ADGRA3: variants seen among roughly 807,000 people sequenced by gnomAD.
ADGRA3 encodes adhesion G protein-coupled receptor A3, also known as G-protein coupled receptor 125.
In ADGRA3, 56 loss-of-function variants were observed where a neutral mutation model predicts 119.8. The ratio of observed to expected loss-of-function variants is 0.47; its 90% CI spans 0.38 to 0.58. The LOEUF (loss-of-function observed/expected upper bound fraction) is 0.58, where lower values mean the gene tolerates loss of function less well. Ranked by LOEUF, ADGRA3 falls within the 20% of genes least tolerant of loss-of-function variation. The pLI, the probability that ADGRA3 is intolerant of heterozygous loss-of-function variation, is 0.00. For synonymous variants in ADGRA3, 607 were observed against 623.8 expected, an observed-to-expected ratio of 0.97 and a Z score of 0.40; for missense variants, 1,516 against 1,649.0, an observed-to-expected ratio of 0.92 and a Z score of 1.40.
intron 6 of ADGRA3, among the ~76,000 whole-genome samples, chr4:22,443,802 A>G (rs1239350192): frequency 1.3e-5 from 2 of 152,218 alleles, no homozygotes; most frequent in Admixed American, 1.3e-4. Flanking sequence ...ATTTTCAGTC[A>G]TGAACATAAA....
Position 22,438,305 on chromosome 4 carries a change from C to T in ADGRA3, c.1036G>A (p.Ala346Thr), listed in dbSNP as rs749843781. The change falls in exon 8 of 19, where the codon GCA becomes ACA. Residue 346 changes from alanine (A) to threonine (T), a missense_variant. By Grantham distance (58) the Ala-to-Thr change is moderately conservative. This residue lies in a region of ADGRA3 where 428 missense variants were observed against 541.9 expected (regional missense o/e 0.79). Coordinates refer to ENST00000334304, the MANE Select transcript of ADGRA3 (RefSeq NM_145290.4). ...ACCCTCTCTGGAGGACAGTACTGTG[C>T]AGAACTCTCTAATACCACAATATCC... ...TVDIVVLESS[A>T]QYCPPERVVN... is the part of the protein sequence containing the mutation. 5 of 1,612,324 alleles carry T rather than the reference C, an allele frequency of 3.1e-6. No individual in the cohort carries two copies. Among genetic ancestry groups the T allele is most frequent in the Non-Finnish European group, 4.2e-6 (5 of 1,179,344 alleles).
At chr4:22,500,099 G>C (rs1718998521) in intron 1 of ADGRA3, among the ~76,000 whole-genome samples, 1 of 152,130 alleles carries the variant, frequency 6.6e-6, no homozygotes, top group South Asian at 2.1e-4. Context: ...TTTCATATTT[G>C]AGATGGTCGA....
At chr4:22,411,589 G>A (rs1715202716) in intron 14 of ADGRA3, among the ~76,000 whole-genome samples, 1 of 152,060 alleles carries the variant, frequency 6.6e-6, no homozygotes, top group Non-Finnish European at 1.5e-5. Context: ...ACCTGAGTGA[G>A]ACTCTGTCTC....
chr4:22,509,958 C>T (rs1012451331), intron 1 of ADGRA3, among the ~76,000 whole-genome samples: 25 of 140,534 alleles, frequency 1.8e-4, no homozygotes, highest in African/African-American at 4.0e-4. Context: ...TGCAGTGAGC[C>T]GAGATCGCGC....
rs1269749251 is a variant in ADGRA3, at chr4:22,407,136, T to C, written c.2233-4337A>G. On this transcript the variant is annotated intron_variant, in intron 14 of 18. Transcript: ENST00000334304. ...AATACAAAAAATTAGCCAGGCGTGG[T>C]GGTGGGTGCCTGTAGTCCCAGCTAC... Among the ~76,000 whole-genome samples the C allele has an allele frequency of 6.3e-4, 96 of 152,002 alleles. 1 individual carries two copies. Among genetic ancestry groups the C allele is most frequent in the Non-Finnish European group, 4.4e-5 (3 of 67,990 alleles).
At chr4:22,505,677 C>G (rs1310386614) in intron 1 of ADGRA3, among the ~76,000 whole-genome samples, 3 of 150,944 alleles carry the variant, frequency 2.0e-5, no homozygotes, top group African/African-American at 7.3e-5. Flanking sequence ...TTCTAAAATT[C>G]CACGGTTATC....
chr4:22,413,654 G>A lies in ADGRA3; in HGVS notation c.1970C>T (p.Ala657Val), dbSNP rs867880712. ...FPATGNSTNLADDGKRRTVVT... is the reference protein window; with the variant it reads ...FPATGNSTNLVDDGKRRTVVT... Reference sequence around the variant, plus strand: ...CACAGTACGTCGTTTTCCATCATCAGCCAAATTTGTTGAATTTCCAGTGGC... The same window carrying A: ...CACAGTACGTCGTTTTCCATCATCAACCAAATTTGTTGAATTTCCAGTGGC... The change falls in exon 13 of 19, where the codon GCT (alanine) becomes GTT (valine). Residue 657 changes from alanine to valine, a missense_variant. This residue lies in a region of ADGRA3 where 1,088 missense variants were observed against 1,107.1 expected (regional missense o/e 0.98). Coordinates refer to ENST00000334304, the MANE Select transcript of ADGRA3 (RefSeq NM_145290.4). The A allele has an allele frequency of 1.2e-6, 2 of 1,613,828 alleles. No individual in the cohort carries two copies. The highest frequency in any genetic ancestry group is 1.3e-5 in the African/African-American group (1 of 74,902).
chr4:22,430,812 G>GGAGGCATC (rs58448274), intron 10 of ADGRA3, among the ~76,000 whole-genome samples: 1 of 151,946 alleles, frequency 6.6e-6, no homozygotes, highest in Non-Finnish European at 1.5e-5. Context: ...TCACAGGCCT[G>GGAGGCATC]TGATGGTTTC....
chr4:22,438,292 G>T lies in ADGRA3; in HGVS notation c.1049C>A (p.Pro350His). Residue 350 changes from proline to histidine, a missense_variant, in exon 8 of 19, where the codon CCT becomes CAT. Pro to His is a moderately conservative substitution (Grantham distance 77). Transcript: ENST00000334304. ...VVLESSAQYC[P>H]PERVVNNKGD... is the part of the protein sequence containing the mutation. ...TTTGTTGTTTACCACCCTCTCTGGA[G>T]GACAGTACTGTGCAGAACTCTCTAA... 6.2e-7 allele frequency: 1 copy of T among 1,611,632 alleles called. No homozygotes were observed. Among genetic ancestry groups the T allele is most frequent in the Non-Finnish European group, 8.5e-7 (1 of 1,179,054 alleles).
chr4:22,420,576 C>A (rs1020763414), intron 12 of ADGRA3: 2 of 431,390 alleles, frequency 4.6e-6, no homozygotes, highest in Non-Finnish European at 8.1e-6. Context: ...AATAAATAAA[C>A]TTTTAAGTCA....
chr4:22,397,340 C>T (rs953306268), intron 16 of ADGRA3, among the ~76,000 whole-genome samples: 14 of 151,920 alleles, frequency 9.2e-5, no homozygotes, highest in Non-Finnish European at 1.9e-4. Context: ...CGCTACTACG[C>T]TCAGCTAATT....
chr4:22,400,416 T>C (rs1290959303), intron 16 of ADGRA3, among the ~76,000 whole-genome samples: 1 of 152,176 alleles, frequency 6.6e-6, no homozygotes, highest in Non-Finnish European at 1.5e-5. Flanking sequence ...TGAAACATTA[T>C]GCTAAATGAA....
At chr4:22,455,772 T>A (rs1168552838) in intron 3 of ADGRA3, 2 of 1,267,070 alleles carry the variant, frequency 1.6e-6, no homozygotes, top group South Asian at 1.2e-5. Context: ...AAAAACTTTA[T>A]GTTGGGAGAT....
intron 9 of ADGRA3, among the ~76,000 whole-genome samples, chr4:22,435,980 G>A (rs180683378): frequency 3.3e-5 from 5 of 152,124 alleles, no homozygotes; most frequent in Admixed American, 2.6e-4. Context: ...GGTGCTAAGG[G>A]GCAAAAGAAA....
rs1229438107 is a variant in ADGRA3 at position 22,387,659 on chromosome 4, G to A, written c.*46C>T. Reference sequence around the variant, plus strand: ...AAATGCTCATAGCTTCAAGGAATGTGAGTATCACAGTTTATATGAATTTCT... The same window carrying A: ...AAATGCTCATAGCTTCAAGGAATGTAAGTATCACAGTTTATATGAATTTCT... On this transcript the variant is annotated 3_prime_UTR_variant, in exon 19 of 19. Coordinates refer to ENST00000334304, the MANE Select transcript of ADGRA3 (RefSeq NM_145290.4). The A allele has an allele frequency of 2.5e-5, 38 of 1,528,046 alleles. No homozygotes were observed. Among genetic ancestry groups the A allele is most frequent in the Non-Finnish European group, 3.4e-5 (38 of 1,132,118 alleles). The allele number at this position is 1,528,046 out of a possible 1,614,324, so 94.7% of individuals were successfully genotyped here.
At chr4:22,496,094 G>A (rs1254924248) in intron 1 of ADGRA3, among the ~76,000 whole-genome samples, 2 of 152,080 alleles carry the variant, frequency 1.3e-5, no homozygotes, top group Admixed American at 1.3e-4. Flanking sequence ...CTTCTTGCCA[G>A]AGTCACACTT....
At chr4:22,511,942 G>A (rs1719463809) in intron 1 of ADGRA3, among the ~76,000 whole-genome samples, 1 of 122,466 alleles carries the variant, frequency 8.2e-6, no homozygotes, top group Non-Finnish European at 1.6e-5. Context: ...TGTCACCCAG[G>A]CTGAAGTGCA....
At chr4:22,469,604 A>C (rs140895037) in intron 2 of ADGRA3, among the ~76,000 whole-genome samples, 11 of 152,318 alleles carry the variant, frequency 7.2e-5, no homozygotes, top group African/African-American at 2.6e-4. Context: ...GTGGAAGCCT[A>C]ACAGCCATCT....
Position 22,464,665 on chromosome 4 carries a change from T to C in ADGRA3, c.330-2857A>G, listed in dbSNP as rs553326431. Among the ~76,000 whole-genome samples the C allele has an allele frequency of 8.5e-5, 13 of 152,310 alleles. No individual in the cohort carries two copies. In the East Asian group the frequency reaches 2.3e-3, roughly 27 times the overall value. ...CAACTCTTCCCCATGCAGCTTTCTC[T>C]TGGGCACCTCCTGAGAGTCAACCCA... is the stretch of plus-strand genomic sequence containing the variant. On this transcript the variant is annotated intron_variant, in intron 2 of 18. Transcript: ENST00000334304.
Sources: gnomAD v4.1 joint callset for allele counts (sites outside exome capture counted in the v4.1 genomes callset) on GRCh38, gnomAD v4.1.1 for gene constraint, gnomAD v4.1.1 regional missense constraint, MANE v1.5 for transcripts, NCBI Gene and HGNC (gene_info 2026-07-23, HGNC 2026-07-21) for gene names.